TTC12: variants seen among roughly 807,000 people sequenced by gnomAD.
TTC12 encodes the protein tetratricopeptide repeat domain 12, also known as tetratricopeptide repeat protein 12.
In TTC12, 70 loss-of-function variants were observed where a neutral mutation model predicts 90.1. The observed-to-expected ratio is 0.78, with a 90% CI of 0.64 to 0.95. The LOEUF (loss-of-function observed/expected upper bound fraction) is 0.95, where lower values mean the gene tolerates loss of function less well. TTC12 is among the 40% of genes least tolerant of loss of function. The pLI, the probability that TTC12 is intolerant of heterozygous loss-of-function variation, is 0.00. For missense variants in TTC12, 819 were observed against 846.1 expected, an observed-to-expected ratio of 0.97 and a Z score of 0.40; for synonymous variants, 296 against 311.5, an observed-to-expected ratio of 0.95 and a Z score of 0.53.
rs17115380 is a variant in TTC12, at chr11:113,344,402, C to T, written c.1116C>T (p.Ser372=). The T allele has an allele frequency of 7.8e-3, 12,556 of 1,614,076 alleles. 600 individuals are homozygous for T. In the African/African-American group the frequency reaches 0.11, roughly 14 times the overall value. Reference sequence around the variant, plus strand: ...TGCTGCATCTCGCCCAGACTGAGAGCGGACGGAGCCTGATCATCAACCACC... The same window carrying T: ...TGCTGCATCTCGCCCAGACTGAGAGTGGACGGAGCCTGATCATCAACCACC... ...ALLLHLAQTE[S]GRSLIINHLD... is the part of the protein sequence containing the mutation. The change falls in exon 13 of 22, where the codon AGC becomes AGT. Residue 372 remains serine, a synonymous_variant. Transcript: ENST00000529221.
intron 14 of TTC12, among the ~76,000 whole-genome samples, chr11:113,350,911 G>A (rs7942691): frequency 4.6e-5 from 7 of 152,164 alleles, no homozygotes; most frequent in African/African-American, 1.2e-4. Context: ...TTTGCCTTCC[G>A]CACCGCACAC....
intron 2 of TTC12, among the ~76,000 whole-genome samples, chr11:113,318,249 G>C: frequency 6.6e-6 from 1 of 152,248 alleles, no homozygotes; most frequent in East Asian, 1.9e-4. Flanking sequence ...GAATTACAAA[G>C]TGTAGGGATC....
chr11:113,319,536 A>G (rs558814463), intron 2 of TTC12, among the ~76,000 whole-genome samples: 5 of 152,332 alleles, frequency 3.3e-5, no homozygotes, highest in African/African-American at 1.2e-4. Flanking sequence ...TTTGGTAAAA[A>G]TGTCAATTTT....
intron 2 of TTC12, among the ~76,000 whole-genome samples, chr11:113,318,437 C>T (rs1278047159): frequency 2.0e-5 from 3 of 152,224 alleles, no homozygotes; most frequent in Admixed American, 6.5e-5. Flanking sequence ...AGATGGGCAC[C>T]TTCCCGCTGT....
chr11:113,351,926 G>T (rs1565614574), intron 15 of TTC12, 144 bp from the exon 16 acceptor site: 1 of 956,486 alleles, frequency 1.0e-6, no homozygotes, highest in Non-Finnish European at 1.5e-6. Flanking sequence ...TCCGTTGCCA[G>T]TGAGACCCCA....
At chr11:113,367,705 A>G (rs1361156712), downstream of TTC12, among the ~76,000 whole-genome samples, 1 of 125,252 alleles carries the variant, frequency 8.0e-6, no homozygotes, top group Non-Finnish European at 1.7e-5. Context: ...GAGATAAATA[A>G]TTGGCATTTG....
intron 11 of TTC12, 124 bp from the exon 12 acceptor site, chr11:113,341,713 A>T (rs1278305554): frequency 1.3e-6 from 1 of 776,470 alleles, no homozygotes; most frequent in Non-Finnish European, 2.2e-6. Flanking sequence ...ATGGCTCTGG[A>T]TTATAAAACT....
chr11:113,341,702 C>T (rs1196374910), intron 11 of TTC12, 135 bp from the exon 12 acceptor site: 1 of 709,358 alleles, frequency 1.4e-6, no homozygotes. Context: ...CCTGGTGACC[C>T]ATGGCTCTGG....
chr11:113,344,035 A>G (rs1286072735), intron 12 of TTC12, among the ~76,000 whole-genome samples: 3 of 152,170 alleles, frequency 2.0e-5, no homozygotes, highest in African/African-American at 7.2e-5. Flanking sequence ...GTAGGTAGGA[A>G]CGTAATCCTC....
intron 3 of TTC12, 35 bp from the exon 4 acceptor site, chr11:113,323,959 T>G: frequency 6.3e-7 from 1 of 1,591,576 alleles, no homozygotes; most frequent in Non-Finnish European, 8.6e-7. Flanking sequence ...TTTTGAAATT[T>G]GTTTCTTTGT....
intron 7 of TTC12, among the ~76,000 whole-genome samples, chr11:113,331,029 T>A (rs1012743479): frequency 2.0e-4 from 30 of 152,116 alleles, no homozygotes; most frequent in African/African-American, 6.5e-4. Flanking sequence ...TATTTCTTAT[T>A]GAGAGGGTAA....
chr11:113,366,452 T>C, downstream of TTC12: 1 of 1,412,660 alleles, frequency 7.1e-7, no homozygotes, highest in African/African-American at 1.4e-5. Context: ...AACAAGAGAG[T>C]GGGCATTAGG....
At chr11:113,329,048 G>A (rs1947866438) in intron 6 of TTC12, among the ~76,000 whole-genome samples, 1 of 152,116 alleles carries the variant, frequency 6.6e-6, no homozygotes, top group African/African-American at 2.4e-5. Context: ...TGGACATTTG[G>A]ATTGTTGCCT....
At chr11:113,320,264 G>T (rs1295512753) in intron 2 of TTC12, among the ~76,000 whole-genome samples, 4 of 152,144 alleles carry the variant, frequency 2.6e-5, no homozygotes, top group Non-Finnish European at 5.9e-5. Context: ...CTGTTTTCGT[G>T]CCCAAAAAGT....
At chr11:113,370,979 C>T (rs537457420), downstream of TTC12, among the ~76,000 whole-genome samples, 167 of 152,274 alleles carry the variant, frequency 1.1e-3, 1 homozygote, top group African/African-American at 3.9e-3. Flanking sequence ...CCCCCACACA[C>T]ACGGAATTCA....
chr11:113,342,511 G>T (rs79901476), intron 12 of TTC12, among the ~76,000 whole-genome samples: 4,983 of 152,180 alleles, frequency 0.033, 269 homozygotes, highest in African/African-American at 0.11. Flanking sequence ...TAAAAAGTGT[G>T]TTTCATAGGA....
chr11:113,343,523 G>A (rs532747449), intron 12 of TTC12, among the ~76,000 whole-genome samples: 37 of 152,318 alleles, frequency 2.4e-4, no homozygotes, highest in Middle Eastern at 3.4e-3. Flanking sequence ...GAGACCTGGT[G>A]TGTGTCTTCT....
chr11:113,362,855 C>T (rs1340739539), intron 19 of TTC12, among the ~76,000 whole-genome samples: 3 of 152,216 alleles, frequency 2.0e-5, no homozygotes, highest in African/African-American at 7.2e-5. Flanking sequence ...TTTTGCTACT[C>T]ATGATGCTTT....
rs782757302 is a variant in TTC12 at position 113,344,303 on chromosome 11, TGA to T, written c.1018_1019del (p.Asp340GlnfsTer31). ...ACCAGCGTGTGCTAGTGATACACCATGACAGGGCCAGGCTGTTGGCCGCCCTC... is the reference window on the plus strand; with the variant it reads ...ACCAGCGTGTGCTAGTGATACACCATCAGGGCCAGGCTGTTGGCCGCCCTC... ...ENQRVLVIHH[D>X]RARLLAALLS... On this transcript the variant is annotated frameshift_variant, in exon 13 of 22. Coordinates refer to ENST00000529221, the MANE Select transcript of TTC12 (RefSeq NM_017868.4). LOFTEE classifies it high-confidence loss of function. 1 of 1,614,098 alleles carries T rather than the reference TGA, an allele frequency of 6.2e-7. No homozygotes were observed. The highest frequency in any genetic ancestry group is 8.5e-7 in the Non-Finnish European group (1 of 1,179,952).
Sources: allele counts gnomAD v4.1 joint callset (sites outside exome capture counted in the v4.1 genomes callset), GRCh38; gene constraint gnomAD v4.1.1; transcripts MANE v1.5; gene names NCBI Gene and HGNC (gene_info 2026-07-23, HGNC 2026-07-21).